Variants in PALM2AKAP2 observed in about 807,000 individuals in gnomAD.
PALM2AKAP2 encodes PALM2 and AKAP2 fusion.
Under a neutral mutation model 71.5 loss-of-function variants are expected in PALM2AKAP2, and 37 were observed. That is an observed-to-expected ratio of 0.52 (90% CI 0.40 to 0.68). The LOEUF is 0.68. Among genes scored for constraint, PALM2AKAP2 ranks in the 30% least tolerant of loss-of-function variants. The pLI is 0.00. For missense variants in PALM2AKAP2, 1,224 were observed against 1,191.8 expected (o/e 1.03, Z -0.40); for synonymous variants, 468 against 478.8 (o/e 0.98, Z 0.29).
chr9:109,869,476 C>T (rs1164336456), intron 2 of PALM2AKAP2, among the ~76,000 whole-genome samples: 1 of 151,100 alleles, frequency 6.6e-6, no homozygotes, highest in Non-Finnish European at 1.5e-5. Flanking sequence ...CTACAAATGC[C>T]CGCCACCACG....
At chr9:109,978,298 T>C (rs1009505193) in intron 6 of PALM2AKAP2, among the ~76,000 whole-genome samples, 1 of 152,124 alleles carries the variant, frequency 6.6e-6, no homozygotes, top group Non-Finnish European at 1.5e-5. Context: ...GCAGGAGGCA[T>C]AGCAAATATT....
intron 1 of PALM2AKAP2, among the ~76,000 whole-genome samples, chr9:110,102,317 G>A (rs1835017334): frequency 6.6e-6 from 1 of 152,142 alleles, no homozygotes; most frequent in African/African-American, 2.4e-5. Context: ...AATATTTACT[G>A]AGCTGTTAGA....
intron 1 of PALM2AKAP2, among the ~76,000 whole-genome samples, chr9:109,719,235 G>A (rs558913357): frequency 6.6e-6 from 1 of 152,342 alleles, no homozygotes; most frequent in Admixed American, 6.5e-5. Context: ...GACAATCACT[G>A]TGTGTTCACT....
intron 2 of PALM2AKAP2, among the ~76,000 whole-genome samples, chr9:110,139,385 T>C (rs1226256534): frequency 6.6e-6 from 1 of 152,204 alleles, no homozygotes; most frequent in African/African-American, 2.4e-5. Context: ...GCTCAAAGCG[T>C]GGTCCAAGCT....
chr9:109,829,751 T>C (rs1368830366), intron 1 of PALM2AKAP2, among the ~76,000 whole-genome samples: 1 of 152,012 alleles, frequency 6.6e-6, no homozygotes, highest in Non-Finnish European at 1.5e-5. Flanking sequence ...GGTTTGGGAC[T>C]GAGATTACCA....
intron 1 of PALM2AKAP2, among the ~76,000 whole-genome samples, chr9:109,682,098 A>C (rs1292128361): frequency 6.6e-6 from 1 of 152,168 alleles, no homozygotes; most frequent in African/African-American, 2.4e-5. Flanking sequence ...AATTTGATCC[A>C]ACTTTATTCT....
chr9:110,150,268 G>T (rs1037120237), intron 2 of PALM2AKAP2, among the ~76,000 whole-genome samples: 1 of 152,228 alleles, frequency 6.6e-6, no homozygotes, highest in Non-Finnish European at 1.5e-5. Context: ...AAATAAGTGC[G>T]TGTTGTTCAA....
intron 1 of PALM2AKAP2, among the ~76,000 whole-genome samples, chr9:109,720,945 A>G (rs1355301453): frequency 6.6e-6 from 1 of 152,202 alleles, no homozygotes; most frequent in Non-Finnish European, 1.5e-5. Context: ...ACTATGGCAC[A>G]TACCACCACA....
chr9:110,161,615 A>C (rs1836600637), intron 3 of PALM2AKAP2, among the ~76,000 whole-genome samples: 1 of 152,238 alleles, frequency 6.6e-6, no homozygotes, highest in East Asian at 1.9e-4. Context: ...GGTTTCAGAG[A>C]ATCTGCCTCC....
chr9:110,045,498 C>T (rs553389034), upstream of PALM2AKAP2, among the ~76,000 whole-genome samples: 7 of 152,102 alleles, frequency 4.6e-5, no homozygotes, highest in Admixed American at 3.9e-4. Context: ...GAGCTGTTAA[C>T]GCAGTTTCCT....
In PALM2AKAP2 at chr9:109,849,739, A is replaced by G. The variant is rs184948422; in HGVS notation, c.46-17752A>G. The stretch of plus-strand genomic sequence containing the variant: ...CCATTGCACTCCAGCCTGGGCAACA[A>G]GTGTGAAACTCTGTCTCAAAAAACA... On this transcript the variant is annotated intron_variant, in intron 1 of 9. Transcript: ENST00000302798. Among the ~76,000 whole-genome samples, 14 of 152,304 alleles carry G rather than the reference A, an allele frequency of 9.2e-5. No homozygotes were observed. The East Asian group carries it at 2.7e-3, about 29-fold the overall frequency.
At chr9:110,060,173 T>C (rs531899) in intron 1 of PALM2AKAP2, among the ~76,000 whole-genome samples, 1 of 151,800 alleles carries the variant, frequency 6.6e-6, no homozygotes, top group Admixed American at 6.6e-5. Flanking sequence ...AATGCAATGG[T>C]GCGATTTCGG....
intron 1 of PALM2AKAP2, among the ~76,000 whole-genome samples, chr9:109,763,559 T>G (rs1829095380): frequency 6.6e-6 from 1 of 152,174 alleles, no homozygotes; most frequent in South Asian, 2.1e-4. Context: ...CTTAGCTATG[T>G]TAGTTTCCTA....
chr9:109,656,499 T>A (rs7041760), intron 1 of PALM2AKAP2, among the ~76,000 whole-genome samples: 6,542 of 152,346 alleles, frequency 0.043, 194 homozygotes, highest in Non-Finnish European at 0.055. Flanking sequence ...GCCGTGGCTC[T>A]TAAGCTTCAG....
At chr9:109,982,782 G>A (rs567184404) in intron 6 of PALM2AKAP2, among the ~76,000 whole-genome samples, 6 of 152,274 alleles carry the variant, frequency 3.9e-5, no homozygotes, top group South Asian at 2.1e-4. Context: ...GTGCCACCAC[G>A]TCCAGTTATT....
chr9:109,741,705 C>A (rs1356545684), intron 1 of PALM2AKAP2, among the ~76,000 whole-genome samples: 2 of 152,136 alleles, frequency 1.3e-5, no homozygotes. Flanking sequence ...ACTCCAAGAT[C>A]GTGAAAGGAT....
At chr9:110,020,275 G>A (rs77217529) in intron 7 of PALM2AKAP2, among the ~76,000 whole-genome samples, 2,556 of 152,308 alleles carry the variant, frequency 0.017, 85 homozygotes, top group African/African-American at 0.058. Context: ...GGAATACAAT[G>A]TTTTGAAGGT....
At chr9:109,960,147 C>T (rs1485167951) in intron 6 of PALM2AKAP2, among the ~76,000 whole-genome samples, 1 of 152,156 alleles carries the variant, frequency 6.6e-6, no homozygotes, top group Non-Finnish European at 1.5e-5. Context: ...TCACCCCTTC[C>T]CCACACTTGG....
At chr9:109,959,167 A>G (rs1294573468) in intron 6 of PALM2AKAP2, among the ~76,000 whole-genome samples, 1 of 152,124 alleles carries the variant, frequency 6.6e-6, no homozygotes, top group Non-Finnish European at 1.5e-5. Context: ...TCCACAGACA[A>G]TGTTTAACTC....
Sources: gnomAD v4.1 joint callset for allele counts (sites outside exome capture counted in the v4.1 genomes callset) on GRCh38, gnomAD v4.1.1 for gene constraint, MANE v1.5 for transcripts, NCBI Gene and HGNC (gene_info 2026-07-23, HGNC 2026-07-21) for gene names.